The following HERC1 variants were observed in gnomAD, a reference collection of about 807,000 sequenced individuals.
HERC1 encodes probable E3 ubiquitin-protein ligase HERC1.
HERC1 carries 160 observed loss-of-function variants against 554.3 expected under a neutral mutation model. That is an observed-to-expected ratio of 0.29 (90% CI 0.25 to 0.33). HERC1 has a LOEUF of 0.33. Ranked by LOEUF, HERC1 falls within the 10% of genes least tolerant of loss-of-function variation. The pLI, the probability that HERC1 is intolerant of heterozygous loss-of-function variation, is 1.00. For missense variants in HERC1, 4,919 were observed against 5,918.5 expected (o/e 0.83, Z 5.54); for synonymous variants, 2,175 against 2,131.7 (o/e 1.02, Z -0.56).
chr15:63,790,524 G>A (rs2076613476), intron 1 of HERC1, among the ~76,000 whole-genome samples: 2 of 151,980 alleles, frequency 1.3e-5, no homozygotes, highest in African/African-American at 2.4e-5. Context: ...CTTGCAGTGA[G>A]CCGAGATCGC....
intron 64 of HERC1, chr15:63,636,968 A>C (rs2068807936): frequency 2.9e-6 from 1 of 347,868 alleles, no homozygotes; most frequent in African/African-American, 2.1e-5. Flanking sequence ...TTGAACTCAT[A>C]GTTACTTGTA....
At chr15:63,746,255 T>C (rs552138908) in intron 12 of HERC1, among the ~76,000 whole-genome samples, 34 of 152,252 alleles carry the variant, frequency 2.2e-4, no homozygotes, top group Non-Finnish European at 4.6e-4. Context: ...AAGTATTAAA[T>C]TTATCTTGTA....
At chr15:63,719,472 A>C (rs1021381436) in intron 19 of HERC1, among the ~76,000 whole-genome samples, 4 of 152,270 alleles carry the variant, frequency 2.6e-5, no homozygotes, top group African/African-American at 9.6e-5. Context: ...AGGCCAGTAC[A>C]AGTCCTCCAG....
intron 2 of HERC1, among the ~76,000 whole-genome samples, chr15:63,769,074 A>G (rs1267442483): frequency 1.3e-5 from 2 of 152,192 alleles, no homozygotes; most frequent in African/African-American, 2.4e-5. Context: ...GTATTTAAGG[A>G]TAAGTCTACT....
At chr15:63,613,607 T>A (rs968964528) in intron 76 of HERC1, among the ~76,000 whole-genome samples, 2 of 152,094 alleles carry the variant, frequency 1.3e-5, no homozygotes, top group African/African-American at 4.8e-5. Flanking sequence ...CTTTTTACTA[T>A]CTATATGCAT....
intron 59 of HERC1, 45 bp from the exon 60 acceptor site, chr15:63,641,688 A>T: frequency 6.9e-7 from 1 of 1,454,658 alleles, no homozygotes; most frequent in South Asian, 1.3e-5. Flanking sequence ...TGTTTAAATA[A>T]AAAATAATGC....
At position 63,693,398 on chromosome 15, in the gene HERC1, C is replaced by G. The variant is rs115011384; in HGVS notation, c.5674+566G>C. On this transcript the variant is annotated intron_variant, in intron 30 of 77. Transcript: ENST00000443617. ...AGCTGGCACTACAGGCATGCGTCAC[C>G]ATGCCAGGCTAATTTTCATATTTTT... Among the ~76,000 whole-genome samples the G allele has an allele frequency of 7.1e-3, 1,074 of 152,070 alleles. 12 individuals are homozygous for G. Among genetic ancestry groups the G allele is most frequent in the African/African-American group, 0.025 (1,033 of 41,482 alleles).
At chr15:63,826,708 C>G (rs948271781) in intron 1 of HERC1, among the ~76,000 whole-genome samples, 2 of 144,042 alleles carry the variant, frequency 1.4e-5, no homozygotes, top group African/African-American at 5.1e-5. Context: ...TAAGAACCAA[C>G]CATCTGCAAG....
chr15:63,647,879 T>C (rs903572949), intron 55 of HERC1, among the ~76,000 whole-genome samples, 190 bp downstream of exon 55: 5 of 152,170 alleles, frequency 3.3e-5, no homozygotes, highest in African/African-American at 9.7e-5. Context: ...TGTGGAATGA[T>C]AGACAAGGGA....
chr15:63,800,729 T>C (rs976330912), intron 1 of HERC1, among the ~76,000 whole-genome samples: 1 of 152,228 alleles, frequency 6.6e-6, no homozygotes, highest in African/African-American at 2.4e-5. Flanking sequence ...AAGAAATACA[T>C]ACTTGGTGTT....
chr15:63,805,961 C>A (rs971937209), intron 1 of HERC1, among the ~76,000 whole-genome samples: 3 of 142,524 alleles, frequency 2.1e-5, no homozygotes, highest in Non-Finnish European at 4.6e-5. Flanking sequence ...AAAAAAAAAA[C>A]AAACAAAACC....
At chr15:63,657,426 C>T (rs556014326) in intron 48 of HERC1, among the ~76,000 whole-genome samples, 1 of 152,008 alleles carries the variant, frequency 6.6e-6, no homozygotes, top group African/African-American at 2.4e-5. Context: ...TGTTTATTGG[C>T]CATTTGGAGA....
At chr15:63,714,370 G>A (rs553095363) in intron 22 of HERC1, among the ~76,000 whole-genome samples, 4 of 152,014 alleles carry the variant, frequency 2.6e-5, no homozygotes, top group Non-Finnish European at 5.9e-5. Context: ...TTAATATATG[G>A]GGCAAGATTG....
chr15:63,663,284 C>T (rs978343523), intron 43 of HERC1, 80 bp from the exon 44 acceptor site: 29 of 1,161,178 alleles, frequency 2.5e-5, no homozygotes, highest in Non-Finnish European at 3.4e-5. Context: ...AACTGCCATA[C>T]ATGTAGGTGA....
chr15:63,634,525 T>G (rs374892433), intron 66 of HERC1, among the ~76,000 whole-genome samples: 11 of 152,336 alleles, frequency 7.2e-5, no homozygotes, highest in East Asian at 3.9e-4. Flanking sequence ...GGGTTACATT[T>G]GTTGGTTTGT....
intron 1 of HERC1, among the ~76,000 whole-genome samples, chr15:63,793,507 T>C (rs556309301): frequency 6.6e-6 from 1 of 152,174 alleles, no homozygotes; most frequent in Non-Finnish European, 1.5e-5. Flanking sequence ...GTTTCGGGAA[T>C]TGCCCACCCC....
rs202125401 is a variant in HERC1, at chr15:63,617,949, G to GA, written c.13689-1268_13689-1267insT. On this transcript the variant is annotated intron_variant, in intron 74 of 77. Coordinates refer to ENST00000443617, the MANE Select transcript of HERC1 (RefSeq NM_003922.4). Reference sequence around the variant, plus strand: ...GGTTGCAAAAATTTTCTCCCATTCTGTGGGTCGCCTGTTCACTCTGATGGT... The same window carrying GA: ...GGTTGCAAAAATTTTCTCCCATTCTGATGGGTCGCCTGTTCACTCTGATGGT... Among the ~76,000 whole-genome samples, 831 of 152,220 alleles carry GA rather than the reference G, an allele frequency of 5.5e-3. 5 individuals are homozygous for GA. Among genetic ancestry groups the GA allele is most frequent in the African/African-American group, 0.018 (767 of 41,520 alleles).
chr15:63,651,220 T>A (rs374038284), intron 53 of HERC1, 33 bp downstream of exon 53: 1 of 1,603,772 alleles, frequency 6.2e-7, no homozygotes, highest in African/African-American at 1.3e-5. Flanking sequence ...AAAACTACTT[T>A]CAGCAGTTTA....
chr15:63,731,744 T>C (rs184564220), intron 14 of HERC1, among the ~76,000 whole-genome samples: 27 of 152,272 alleles, frequency 1.8e-4, no homozygotes, highest in African/African-American at 6.3e-4. Context: ...TATTAATTGA[T>C]ACACAAACAA....
Sources: allele counts gnomAD v4.1 joint callset (sites outside exome capture counted in the v4.1 genomes callset), GRCh38; gene constraint gnomAD v4.1.1; transcripts MANE v1.5; gene names NCBI Gene and HGNC (gene_info 2026-07-23, HGNC 2026-07-21).